Variants in C9orf85 observed in about 807,000 individuals in gnomAD.
C9orf85 encodes chromosome 9 open reading frame 85, also known as uncharacterized protein C9orf85.
In C9orf85, 16 loss-of-function variants were observed where a neutral mutation model predicts 14.9. The observed-to-expected ratio is 1.08, with a 90% CI of 0.73 to 1.63. C9orf85 has a LOEUF of 1.63. Among genes scored for constraint, C9orf85 ranks in the 40% most tolerant of loss-of-function variants. C9orf85 has a pLI of 0.00. For missense variants in C9orf85, 172 were observed against 186.1 expected, an observed-to-expected ratio of 0.92 and a Z score of 0.44; for synonymous variants, 45 against 56.8, an observed-to-expected ratio of 0.79 and a Z score of 0.93.
chr9:71,972,264 A>AT lies in C9orf85; in HGVS notation c.324-416dup, dbSNP rs569084456. Among the ~76,000 whole-genome samples, 338 of 147,130 alleles carry AT rather than the reference A, an allele frequency of 2.3e-3. 3 individuals carry two copies. Among genetic ancestry groups the AT allele is most frequent in the South Asian group, 0.012 (54 of 4,646 alleles). ...TTGGATCTCAAGTTAGCGTTCAATG[A>AT]TTTTTTTTTTTTGAGAAGGAGTTTC... is the stretch of plus-strand genomic sequence containing the variant. On this transcript the variant is annotated intron_variant, in intron 3 of 3. Coordinates refer to ENST00000334731, the MANE Select transcript of C9orf85 (RefSeq NM_182505.5).
chr9:71,933,660 T>C (rs1397697099), intron 1 of C9orf85, among the ~76,000 whole-genome samples: 1 of 152,172 alleles, frequency 6.6e-6, no homozygotes, highest in Non-Finnish European at 1.5e-5. Flanking sequence ...AGGAGATACT[T>C]TGTCCCCTGT....
At chr9:71,939,333 C>T (rs1828274496) in intron 1 of C9orf85, among the ~76,000 whole-genome samples, 1 of 151,756 alleles carries the variant, frequency 6.6e-6, no homozygotes, top group South Asian at 2.1e-4. Flanking sequence ...AAACCAAAGA[C>T]ATTGGAAAAA....
exon 4 of C9orf85, chr9:71,983,064 C>T (rs573996462): frequency 3.9e-4 from 59 of 149,704 alleles, no homozygotes; most frequent in Middle Eastern, 6.9e-3. Context: ...GGCACCATTT[C>T]AGCTCAATGC....
intron 3 of C9orf85, among the ~76,000 whole-genome samples, chr9:71,981,708 A>G (rs762012264): frequency 6.6e-6 from 1 of 152,164 alleles, no homozygotes; most frequent in Non-Finnish European, 1.5e-5. Context: ...TATTTCCTCA[A>G]TTTATGCTTA....
At chr9:71,954,530 A>G (rs1249277899) in intron 2 of C9orf85, among the ~76,000 whole-genome samples, 1 of 152,144 alleles carries the variant, frequency 6.6e-6, no homozygotes, top group Non-Finnish European at 1.5e-5. Flanking sequence ...TTTCTTGATG[A>G]TATGCTAAAC....
intron 1 of C9orf85, among the ~76,000 whole-genome samples, chr9:71,925,578 G>A (rs1280431254): frequency 1.3e-5 from 2 of 152,124 alleles, no homozygotes; most frequent in Non-Finnish European, 2.9e-5. Flanking sequence ...TGGAGGAGAC[G>A]GTGGACTCCG....
intron 1 of C9orf85, 129 bp from the exon 2 acceptor site, chr9:71,946,877 A>T: frequency 3.6e-6 from 2 of 549,298 alleles, no homozygotes; most frequent in Non-Finnish European, 6.4e-6. Flanking sequence ...TACATAATAT[A>T]TCATAAATTG....
At chr9:71,912,410 C>T (rs1858871036) in intron 1 of C9orf85, among the ~76,000 whole-genome samples, 1 of 152,128 alleles carries the variant, frequency 6.6e-6, no homozygotes, top group African/African-American at 2.4e-5. Flanking sequence ...CTAAAAAATT[C>T]AGACTGTCTA....
intron 1 of C9orf85, among the ~76,000 whole-genome samples, chr9:71,913,958 C>T (rs1827582002): frequency 6.6e-6 from 1 of 152,146 alleles, no homozygotes; most frequent in Non-Finnish European, 1.5e-5. Context: ...CACCAGGCCA[C>T]TTCATTATTG....
intron 2 of C9orf85, among the ~76,000 whole-genome samples, chr9:71,963,270 T>C (rs939541507): frequency 1.3e-5 from 2 of 152,180 alleles, no homozygotes; most frequent in African/African-American, 4.8e-5. Flanking sequence ...AGAGATTACA[T>C]TGTTACCGGG....
chr9:71,918,047 G>T (rs944253832), intron 1 of C9orf85, among the ~76,000 whole-genome samples: 2 of 152,112 alleles, frequency 1.3e-5, no homozygotes, highest in Non-Finnish European at 2.9e-5. Context: ...GCCAGGCGTG[G>T]TGGTGGCCGC....
At chr9:71,970,897 A>T (rs1822843535) in intron 2 of C9orf85, among the ~76,000 whole-genome samples, 1 of 146,278 alleles carries the variant, frequency 6.8e-6, no homozygotes, top group Admixed American at 7.0e-5. Context: ...CACATCTCCC[A>T]GGCATGCCAC....
intron 1 of C9orf85, among the ~76,000 whole-genome samples, chr9:71,929,954 T>G (rs4601391): frequency 0.94 from 137,927 of 147,352 alleles, 65,264 homozygotes; most frequent in East Asian, 1. Context: ...GAGCCTTAGG[T>G]TTCTCATCTG....
intron 1 of C9orf85, chr9:71,918,282 A>T (rs1163379844): frequency 7.7e-6 from 3 of 391,562 alleles, no homozygotes; most frequent in East Asian, 9.0e-5. Flanking sequence ...AACACTAATT[A>T]TATTAGTGTT....
At chr9:71,964,952 G>A (rs767403757) in intron 2 of C9orf85, among the ~76,000 whole-genome samples, 7 of 152,192 alleles carry the variant, frequency 4.6e-5, no homozygotes, top group African/African-American at 9.6e-5. Context: ...AGTCAGGAGC[G>A]GCAATGGGCA....
At chr9:71,938,597 C>T (rs17057300) in intron 1 of C9orf85, among the ~76,000 whole-genome samples, 12 of 151,852 alleles carry the variant, frequency 7.9e-5, no homozygotes, top group African/African-American at 2.7e-4. Context: ...CATGTAAACT[C>T]TTTTTAGAGA....
intron 2 of C9orf85, among the ~76,000 whole-genome samples, chr9:71,962,737 A>T (rs1207904224): frequency 6.6e-6 from 1 of 152,184 alleles, no homozygotes; most frequent in Admixed American, 6.5e-5. Context: ...CCAGATGTTG[A>T]TAGGTTTAAT....
At chr9:71,970,886 G>T (rs545750109) in intron 2 of C9orf85, among the ~76,000 whole-genome samples, 19 of 150,648 alleles carry the variant, frequency 1.3e-4, no homozygotes, top group Non-Finnish European at 1.5e-4. Flanking sequence ...AAGTACTGTG[G>T]CACATCTCCC....
Position 71,953,363 on chromosome 9 carries a change from G to A in C9orf85, c.209+6251G>A, listed in dbSNP as rs1822296987. Among the ~76,000 whole-genome samples the A allele has an allele frequency of 2.6e-5, 4 of 152,226 alleles. No individual in the cohort carries two copies. The South Asian group carries it at 8.3e-4, about 32-fold the overall frequency. On this transcript the variant is annotated intron_variant, in intron 2 of 3. Coordinates refer to ENST00000334731, the MANE Select transcript of C9orf85 (RefSeq NM_182505.5). ...AGGCTAAAACAGAACTGCCCTAAATGAGGAGAAGGGAGCCCAGACCTTACA... is the reference window on the plus strand; with the variant it reads ...AGGCTAAAACAGAACTGCCCTAAATAAGGAGAAGGGAGCCCAGACCTTACA...
Sources: allele counts gnomAD v4.1 joint callset (sites outside exome capture counted in the v4.1 genomes callset), GRCh38; gene constraint gnomAD v4.1.1; transcripts MANE v1.5; gene names NCBI Gene and HGNC (gene_info 2026-07-23, HGNC 2026-07-21).